FHL1: variants seen among roughly 807,000 people sequenced by gnomAD.
FHL1 encodes the protein four and a half LIM domains protein 1.
A neutral mutation model predicts 20.3 loss-of-function variants in FHL1; 1 was observed. The observed-to-expected ratio is 0.05, with a 90% CI of 0.02 to 0.23. The LOEUF is 0.23. FHL1 is among the 10% of genes least tolerant of loss of function. The pLI is 1.00. For synonymous variants in FHL1, 82 were observed against 88.9 expected (o/e 0.92, Z 0.44); for missense variants, 177 against 234.0 (o/e 0.76, Z 1.59).
At chrX:136,197,857 T>C (rs1569529811) in intron 1 of FHL1, among the ~76,000 whole-genome samples, 1 of 111,950 alleles carries the variant, frequency 8.9e-6, no homozygotes, top group Non-Finnish European at 1.9e-5. Context: ...TGTGGCCCTC[T>C]GCCTAAGTAA....
intron 3 of FHL1, chrX:136,207,541 G>T: frequency 1.1e-5 from 5 of 436,322 alleles, no homozygotes; most frequent in Non-Finnish European, 2.0e-5. Flanking sequence ...TGCACGCAGG[G>T]TATAGAGGTG....
intron 3 of FHL1, chrX:136,207,475 T>C: frequency 2.3e-6 from 1 of 429,604 alleles, no homozygotes; most frequent in Non-Finnish European, 4.1e-6. Flanking sequence ...GATGAAAGCA[T>C]GCTTCTTCCT....
intron 1 of FHL1, among the ~76,000 whole-genome samples, chrX:136,159,446 G>T (rs1354737287): frequency 1.8e-5 from 2 of 111,899 alleles, no homozygotes; most frequent in Non-Finnish European, 3.8e-5. Flanking sequence ...GGTGGTTGAG[G>T]TGGGAGAATC....
At position 136,210,924 on chromosome X, in the gene FHL1, G is replaced by C. The variant is rs1368212697; in HGVS notation, c.*899G>C. 5.0e-5 allele frequency: 19 copies of C among 381,489 alleles called. No homozygotes were observed. The highest frequency in any genetic ancestry group is 8.4e-5 in the Non-Finnish European group (17 of 202,627). 31.4% of individuals were successfully genotyped at this position (381,489 alleles called of 1,213,427 possible). On this transcript the variant is annotated 3_prime_UTR_variant, in exon 6 of 6. Coordinates refer to ENST00000370683, the MANE Select transcript of FHL1 (RefSeq NM_001159699.2). ...CTGCAGTGCTGAAATTCATCCTACG[G>C]AAGTAACCGCAAAACTCTAGAGGGG...
At chrX:136,201,860 G>A (rs1476279538) in intron 1 of FHL1, among the ~76,000 whole-genome samples, 1 of 111,355 alleles carries the variant, frequency 9.0e-6, no homozygotes, top group Non-Finnish European at 1.9e-5. Context: ...TGGTGATGAT[G>A]TGTAGCAATT....
chrX:136,166,440 T>C (rs1378922346), upstream of FHL1, among the ~76,000 whole-genome samples: 1 of 111,557 alleles, frequency 9.0e-6, no homozygotes, highest in Non-Finnish European at 1.9e-5. Context: ...CTGGAAAGGA[T>C]AGCCAGGGTT....
intron 2 of FHL1, among the ~76,000 whole-genome samples, chrX:136,189,571 A>G (rs1196990241): frequency 8.9e-6 from 1 of 111,781 alleles, no homozygotes; most frequent in African/African-American, 3.3e-5. Context: ...GTGTAGTTGA[A>G]TTAATAATAT....
At chrX:136,184,855 T>TA (rs1485527686) in intron 2 of FHL1, among the ~76,000 whole-genome samples, 1 of 112,176 alleles carries the variant, frequency 8.9e-6, no homozygotes, top group East Asian at 2.8e-4. Flanking sequence ...ATATATTATT[T>TA]AATTTCATTC....
intron 1 of FHL1, chrX:136,148,263 C>A (rs2072162088): frequency 2.4e-5 from 2 of 81,887 alleles, no homozygotes; most frequent in South Asian, 1.7e-3. Context: ...GAGGAGTAGA[C>A]GTGAGGGGGC....
intron 1 of FHL1, among the ~76,000 whole-genome samples, chrX:136,162,131 A>AAAG (rs1476733924): frequency 2.8e-5 from 3 of 107,023 alleles, no homozygotes; most frequent in African/African-American, 1.0e-4. Flanking sequence ...TCAAAAAAAA[A>AAAG]AAAAAAAAAA....
At chrX:136,171,452 A>T (rs2072865011) in intron 2 of FHL1, among the ~76,000 whole-genome samples, 1 of 111,555 alleles carries the variant, frequency 9.0e-6, no homozygotes, top group South Asian at 3.8e-4. Flanking sequence ...ATTTTCCCAC[A>T]GAAGAGGCTA....
At chrX:136,190,510 C>T (rs964569368) in intron 2 of FHL1, among the ~76,000 whole-genome samples, 10 of 111,688 alleles carry the variant, frequency 9.0e-5, no homozygotes, top group African/African-American at 3.3e-4. Context: ...GGCGGCCTCT[C>T]GAACCAGAGT....
chrX:136,210,081 T>C lies in FHL1; in HGVS notation c.*56T>C, dbSNP rs745879108. On this transcript the variant is annotated 3_prime_UTR_variant, in exon 6 of 6. Transcript: ENST00000370683. ...CATTTGAATCTCGTTCTTTGTGTCCTTACTTTCTGCCCTATACCATCAATA... is the reference window on the plus strand; with the variant it reads ...CATTTGAATCTCGTTCTTTGTGTCCCTACTTTCTGCCCTATACCATCAATA... 9.2e-6 allele frequency: 11 copies of C among 1,197,459 alleles called. No homozygotes were observed. The African/African-American group carries it at 1.9e-4, about 21-fold the overall frequency.
rs762306528 is a variant in FHL1 at position 136,211,330 on chromosome X, C to G, written c.*1305C>G. The G allele has an allele frequency of 9.0e-5, 26 of 289,357 alleles. No individual in the cohort carries two copies. Among genetic ancestry groups the G allele is most frequent in the South Asian group, 9.0e-4 (25 of 27,910 alleles). The allele number at this position is 289,357 out of a possible 1,213,427, so 23.8% of individuals were successfully genotyped here. A position where few individuals can be genotyped will look rare whatever the true frequency, so the allele number is the denominator to read the frequency against. On this transcript the variant is annotated 3_prime_UTR_variant, in exon 6 of 6. Transcript: ENST00000370683. ...CATCTAACGTTTCAGTGTATCCTTA[C>G]AGAAATAAAGCAGCATATGAATAAC...
chrX:136,181,013 G>C (rs1288738057), intron 2 of FHL1, among the ~76,000 whole-genome samples: 1 of 112,470 alleles, frequency 8.9e-6, no homozygotes, highest in Admixed American at 9.4e-5. Context: ...AAAGTGCTGG[G>C]ATTACAGGCG....
intron 2 of FHL1, chrX:136,182,833 A>G (rs375434964): frequency 1.8e-5 from 2 of 112,343 alleles, no homozygotes; most frequent in African/African-American, 3.2e-5. Context: ...GCAGTGGCTA[A>G]CGCCTGTAAT....
chrX:136,209,149 C>A lies in FHL1; in HGVS notation c.736+508C>A, dbSNP rs1287240727. 5 of 859,973 alleles carry A rather than the reference C, an allele frequency of 5.8e-6. No homozygotes were observed. In the East Asian group the frequency reaches 1.6e-4, roughly 28 times the overall value. 70.9% of individuals were successfully genotyped at this position (859,973 alleles called of 1,213,427 possible). A position where few individuals can be genotyped will look rare whatever the true frequency, so the allele number is the denominator to read the frequency against. ...TCATTCCTCATCTCGCGGCCGCGATCCACGTGCCCTGGGCCCTTTCCCTTG... is the reference window on the plus strand; with the variant it reads ...TCATTCCTCATCTCGCGGCCGCGATACACGTGCCCTGGGCCCTTTCCCTTG... On this transcript the variant is annotated intron_variant, in intron 5 of 5. Coordinates refer to ENST00000370683, the MANE Select transcript of FHL1 (RefSeq NM_001159699.2).
chrX:136,161,401 C>G (rs2072561599), intron 1 of FHL1, among the ~76,000 whole-genome samples: 1 of 112,111 alleles, frequency 8.9e-6, no homozygotes, highest in Non-Finnish European at 1.9e-5. Context: ...CTTTATAATT[C>G]TTGGACTGCC....
intron 2 of FHL1, among the ~76,000 whole-genome samples, chrX:136,173,003 G>A (rs1158444200): frequency 8.9e-6 from 1 of 112,860 alleles, no homozygotes; most frequent in Non-Finnish European, 1.9e-5. Flanking sequence ...AAAGTGCTGG[G>A]ATTACAGGCG....
Sources: gnomAD v4.1 joint callset for allele counts (sites outside exome capture counted in the v4.1 genomes callset) on GRCh38, gnomAD v4.1.1 for gene constraint, MANE v1.5 for transcripts, NCBI Gene and HGNC (gene_info 2026-07-23, HGNC 2026-07-21) for gene names.